Variants in RALGPS1 observed in about 807,000 individuals in gnomAD.
RALGPS1 encodes ras-specific guanine nucleotide-releasing factor RalGPS1.
Under a neutral mutation model 78.8 loss-of-function variants are expected in RALGPS1, and 19 were observed. The observed-to-expected ratio is 0.24, with a 90% CI of 0.17 to 0.35. RALGPS1 has a LOEUF of 0.35. Among genes scored for constraint, RALGPS1 ranks in the 10% least tolerant of loss-of-function variants. The pLI, the probability that RALGPS1 is intolerant of heterozygous loss-of-function variation, is 1.00. For missense variants in RALGPS1, 454 were observed against 688.3 expected (o/e 0.66, Z 3.81); for synonymous variants, 228 against 256.3 (o/e 0.89, Z 1.06).
chr9:127,190,888 A>G (rs894467837), intron 11 of RALGPS1, among the ~76,000 whole-genome samples: 6 of 152,212 alleles, frequency 3.9e-5, no homozygotes, highest in Non-Finnish European at 7.3e-5. Context: ...CCTTCTGCCA[A>G]TGCAATACAT....
At position 127,222,278 on chromosome 9, in the gene RALGPS1, A is replaced by G. The variant is rs1197585678; in HGVS notation, c.*3509A>G. On this transcript the variant is annotated 3_prime_UTR_variant, in exon 19 of 19. Coordinates refer to ENST00000259351, the MANE Select transcript of RALGPS1 (RefSeq NM_014636.3). ...CATAGATTCCTCTAGAAAGGCATCA[A>G]AAGGCTCAACAGACTGAATGGCCTC... 1.3e-5 allele frequency: 2 copies of G among 152,250 alleles called. No homozygotes were observed. The highest frequency in any genetic ancestry group is 6.5e-5 in the Admixed American group (1 of 15,288). The allele number at this position is 152,250 out of a possible 1,614,324, so 9.4% of individuals were successfully genotyped here. A position where few individuals can be genotyped will look rare whatever the true frequency, so the allele number is the denominator to read the frequency against.
chr9:126,976,851 C>G (rs2132636811), intron 3 of RALGPS1, among the ~76,000 whole-genome samples: 2 of 152,338 alleles, frequency 1.3e-5, no homozygotes, highest in Admixed American at 1.3e-4. Context: ...GAAGTCAGTT[C>G]AGTTCATGCC....
intron 4 of RALGPS1, chr9:126,990,052 G>T: frequency 6.5e-7 from 1 of 1,542,076 alleles, no homozygotes; most frequent in Non-Finnish European, 8.7e-7. Flanking sequence ...GAAGAAGCGG[G>T]CGTTCCAGAA....
rs1482139327 is a variant in RALGPS1 at position 127,218,055 on chromosome 9, A to C, written c.1645-685A>C. Among the ~76,000 whole-genome samples, 1 of 152,160 alleles carries C rather than the reference A, an allele frequency of 6.6e-6. No individual in the cohort carries two copies. Among genetic ancestry groups the C allele is most frequent in the Non-Finnish European group, 1.5e-5 (1 of 68,022 alleles). Reference sequence around the variant, plus strand: ...TAATTCATAGTTTGACCAAACTGACACCAAAATGGATTTTTTTAAATGAAA... The same window carrying C: ...TAATTCATAGTTTGACCAAACTGACCCCAAAATGGATTTTTTTAAATGAAA... On this transcript the variant is annotated intron_variant, in intron 18 of 18. Transcript: ENST00000259351. The surrounding 1 kb of genome is among the most constrained non-coding windows in gnomAD (Gnocchi z 4.4).
At chr9:126,977,784 G>A (rs777500632) in intron 4 of RALGPS1, 39 bp downstream of exon 4, 3 of 1,477,382 alleles carry the variant, frequency 2.0e-6, no homozygotes, top group Admixed American at 2.0e-5. Flanking sequence ...TTCATGCTGT[G>A]GGTGGGCAGC....
intron 11 of RALGPS1, among the ~76,000 whole-genome samples, chr9:127,186,653 G>C (rs548003390): frequency 2.0e-5 from 3 of 152,358 alleles, no homozygotes; most frequent in African/African-American, 7.2e-5. Context: ...CTGCTTCCGC[G>C]TCAGACCCAG....
chr9:127,159,128 A>T (rs993744313), intron 8 of RALGPS1, among the ~76,000 whole-genome samples: 2 of 152,330 alleles, frequency 1.3e-5, no homozygotes, highest in African/African-American at 4.8e-5. Context: ...CCAGCATGAA[A>T]AAAGGCCAAT....
chr9:127,057,180 G>A (rs1027966840), intron 7 of RALGPS1, among the ~76,000 whole-genome samples: 2 of 152,204 alleles, frequency 1.3e-5, no homozygotes, highest in African/African-American at 2.4e-5. Context: ...GCAAGAACCT[G>A]TGAGAGAATC....
At chr9:127,178,349 G>T in intron 11 of RALGPS1, 1 of 628,634 alleles carries the variant, frequency 1.6e-6, no homozygotes, top group South Asian at 2.9e-5. Context: ...CAGCTGAATT[G>T]TGTGAACAGA....
chr9:126,954,864 T>C (rs1422862369), intron 1 of RALGPS1, among the ~76,000 whole-genome samples: 1 of 152,078 alleles, frequency 6.6e-6, no homozygotes, highest in East Asian at 1.9e-4. Context: ...AAACCCCAGC[T>C]CCTCACCATG....
intron 4 of RALGPS1, among the ~76,000 whole-genome samples, chr9:126,996,205 G>A (rs995941974): frequency 6.6e-6 from 1 of 152,062 alleles, no homozygotes; most frequent in Non-Finnish European, 1.5e-5. Flanking sequence ...AGGAAATAGA[G>A]ACACAAAAAA....
At chr9:126,986,683 T>G (rs757079707) in intron 4 of RALGPS1, among the ~76,000 whole-genome samples, 54 of 152,230 alleles carry the variant, frequency 3.5e-4, no homozygotes, top group Non-Finnish European at 6.2e-4. Flanking sequence ...AAGGGGAAAC[T>G]GCTGTTCTTA....
At chr9:127,200,489 C>A (rs1278205002) in intron 14 of RALGPS1, among the ~76,000 whole-genome samples, 1 of 152,262 alleles carries the variant, frequency 6.6e-6, no homozygotes, top group African/African-American at 2.4e-5. Context: ...CAACAGCCTC[C>A]TGACCACTGA....
chr9:127,017,979 G>A (rs1413988086), intron 4 of RALGPS1, among the ~76,000 whole-genome samples: 7 of 152,128 alleles, frequency 4.6e-5, no homozygotes, highest in Admixed American at 4.6e-4. Context: ...CACTTTGGGA[G>A]GCCGAGGCAG....
rs79178738 is a variant in RALGPS1 at position 126,940,285 on chromosome 9, G to T, written c.-65-21940G>T. Among the ~76,000 whole-genome samples, 369 of 152,192 alleles carry T rather than the reference G, an allele frequency of 2.4e-3. 3 individuals are homozygous for T. The highest frequency in any genetic ancestry group is 8.4e-3 in the African/African-American group (348 of 41,522). On this transcript the variant is annotated intron_variant, in intron 1 of 18. Coordinates refer to ENST00000259351, the MANE Select transcript of RALGPS1 (RefSeq NM_014636.3). ...GTTCCATTGCACAGTTAGAAATAAA[G>T]AAATGAAGCATCATTATAAACCTAT...
At chr9:127,075,437 TC>T (rs2050591487) in intron 8 of RALGPS1, among the ~76,000 whole-genome samples, 1 of 152,178 alleles carries the variant, frequency 6.6e-6, no homozygotes, top group Non-Finnish European at 1.5e-5. Context: ...AGCTGGGAGT[TC>T]CACCTGCATG....
intron 8 of RALGPS1, chr9:127,106,807 A>C (rs2054262953): frequency 6.6e-6 from 1 of 152,400 alleles, no homozygotes; most frequent in African/African-American, 2.4e-5. Flanking sequence ...ATTAGCAAGA[A>C]GCTGCTATTC....
chr9:127,018,173 C>T (rs1193708588), intron 4 of RALGPS1, among the ~76,000 whole-genome samples: 1 of 151,756 alleles, frequency 6.6e-6, no homozygotes, highest in Non-Finnish European at 1.5e-5. Flanking sequence ...CGACATTGCG[C>T]CACTGCACTC....
chr9:127,032,078 G>A (rs1168944082), intron 4 of RALGPS1, among the ~76,000 whole-genome samples: 1 of 152,248 alleles, frequency 6.6e-6, no homozygotes, highest in East Asian at 1.9e-4. Context: ...GTGCCCCTGG[G>A]AAGAGGAAGG....
Sources: gnomAD v4.1 joint callset for allele counts (sites outside exome capture counted in the v4.1 genomes callset) on GRCh38, gnomAD v4.1.1 for gene constraint, Gnocchi (gnomAD v3.1) non-coding constraint, MANE v1.5 for transcripts, NCBI Gene and HGNC (gene_info 2026-07-23, HGNC 2026-07-21) for gene names.